ZSWIM5: variants seen among roughly 807,000 people sequenced by gnomAD.
ZSWIM5 encodes zinc finger SWIM domain-containing protein 5.
Under a neutral mutation model 119.6 loss-of-function variants are expected in ZSWIM5, and 55 were observed. The ratio of observed to expected loss-of-function variants is 0.46; its 90% CI spans 0.37 to 0.58. ZSWIM5 has a LOEUF of 0.58. ZSWIM5 is among the 20% of genes least tolerant of loss of function. The pLI, the probability that ZSWIM5 is intolerant of heterozygous loss-of-function variation, is 0.00. For missense variants in ZSWIM5, 1,193 were observed against 1,512.8 expected (o/e 0.79, Z 3.51); for synonymous variants, 537 against 606.9 (o/e 0.88, Z 1.69).
chr1:45,176,133 C>CATATATATATATAATATATATT (rs890556428), intron 1 of ZSWIM5, among the ~76,000 whole-genome samples: 1 of 148,050 alleles, frequency 6.8e-6, no homozygotes, highest in African/African-American at 2.5e-5. Context: ...AACTGAATGC[C>CATATATATATATAATATATATT]ATATATATAT....
intron 1 of ZSWIM5, among the ~76,000 whole-genome samples, chr1:45,194,466 G>A: frequency 6.6e-6 from 1 of 152,106 alleles, no homozygotes. Context: ...TCAGAAAAAA[G>A]GATTAATATT....
intron 1 of ZSWIM5, among the ~76,000 whole-genome samples, chr1:45,184,611 A>G (rs1646045776): frequency 6.6e-6 from 1 of 152,124 alleles, no homozygotes. Flanking sequence ...AATAACAGAC[A>G]AACAGAGAGC....
chr1:45,160,880 G>A (rs1262926406), intron 1 of ZSWIM5, among the ~76,000 whole-genome samples: 1 of 148,250 alleles, frequency 6.7e-6, no homozygotes. Context: ...GGAGTGCAGT[G>A]GCAAGATCTC....
Position 45,145,777 on chromosome 1 carries a change from A to G in ZSWIM5, c.596-57540T>C, listed in dbSNP as rs1645756245. Among the ~76,000 whole-genome samples the G allele has an allele frequency of 2.0e-5, 3 of 152,154 alleles. No homozygotes were observed. In the South Asian group the frequency reaches 6.2e-4, roughly 32 times the overall value. On this transcript the variant is annotated intron_variant, in intron 1 of 13. Coordinates refer to ENST00000359600, the MANE Select transcript of ZSWIM5 (RefSeq NM_020883.2). ...TTAAAATTCACAGAACTGTACATCA[A>G]AAGAAAAAAGTCACTTTTATTGTGT...
intron 10 of ZSWIM5, 49 bp from the exon 11 acceptor site, chr1:45,034,518 C>G (rs765006231): frequency 1.9e-6 from 3 of 1,545,750 alleles, no homozygotes; most frequent in African/African-American, 1.4e-5. Context: ...CCCTGGGCTT[C>G]CGAGCCACCT....
chr1:45,172,433 A>G (rs144759662), intron 1 of ZSWIM5, among the ~76,000 whole-genome samples: 4 of 152,314 alleles, frequency 2.6e-5, no homozygotes, highest in African/African-American at 9.6e-5. Flanking sequence ...TGAACTGAAA[A>G]GAACAAAATA....
chr1:45,121,599 C>CTTT (rs1181121841), intron 1 of ZSWIM5, among the ~76,000 whole-genome samples: 4 of 145,488 alleles, frequency 2.7e-5, no homozygotes, highest in African/African-American at 7.8e-5. Flanking sequence ...TTTTTTTCTT[C>CTTT]TTCTTTTTTT....
At chr1:45,085,197 AGCCACAGCCAGAGCT>A (rs1363422797) in intron 2 of ZSWIM5, among the ~76,000 whole-genome samples, 1 of 152,166 alleles carries the variant, frequency 6.6e-6, no homozygotes, top group Non-Finnish European at 1.5e-5. Flanking sequence ...GGGCCCTTTT[AGCCACAGCCAGAGCT>A]GGAGTGGCTG....
chr1:45,146,434 T>A (rs1645760785), intron 1 of ZSWIM5, among the ~76,000 whole-genome samples: 1 of 123,072 alleles, frequency 8.1e-6, no homozygotes, highest in Admixed American at 7.8e-5. Flanking sequence ...TTCTAGACTT[T>A]TTTTTTTTTT....
At chr1:45,195,050 A>G (rs780428243) in intron 1 of ZSWIM5, among the ~76,000 whole-genome samples, 8 of 152,130 alleles carry the variant, frequency 5.3e-5, no homozygotes, top group Non-Finnish European at 1.2e-4. Context: ...CTTCCCCCAT[A>G]GTAACTTCTT....
rs1436161149 is a variant in ZSWIM5 at position 45,206,025 on chromosome 1, A to C, written c.326T>G (p.Ile109Ser). 2 of 1,604,132 alleles carry C rather than the reference A, an allele frequency of 1.2e-6. No homozygotes were observed. The highest frequency in any genetic ancestry group is 1.7e-6 in the Non-Finnish European group (2 of 1,176,144). The change falls in exon 1 of 14, where the codon ATC becomes AGC. Residue 109 changes from isoleucine (I) to serine (S), a missense_variant. Around this residue, in one of 2 missense-constraint regions of ZSWIM5, gnomAD observed 232 missense variants for 222.9 expected, o/e 1.04. Coordinates refer to ENST00000359600, the MANE Select transcript of ZSWIM5 (RefSeq NM_020883.2). ...YWSFPRNEREICMYSSFQYRG... is the reference protein window; with the variant it reads ...YWSFPRNERESCMYSSFQYRG... ...GTACTGGAAGCTGGAGTACATGCAG[A>C]TCTCCCGCTCATTCCGCGGGAAGGA...
At chr1:45,191,294 G>GT (rs758119556) in intron 1 of ZSWIM5, among the ~76,000 whole-genome samples, 1 of 152,166 alleles carries the variant, frequency 6.6e-6, no homozygotes, top group East Asian at 1.9e-4. Flanking sequence ...CCTTAGAAAA[G>GT]TATGACCTCA....
intron 1 of ZSWIM5, among the ~76,000 whole-genome samples, chr1:45,092,477 A>G (rs575005606): frequency 1.2e-4 from 17 of 142,216 alleles, no homozygotes; most frequent in Admixed American, 2.9e-4. Context: ...TTGTATTTTT[A>G]GTAGAGACAG....
At position 45,035,790 on chromosome 1, in the gene ZSWIM5, T is replaced by C; in HGVS notation, c.2189A>G (p.His730Arg). The part of the protein sequence containing the change: ...GPFSGLGEVI[H>R]RESVPMHTFA... Reference sequence around the variant, plus strand: ...GGTATGCATGGGAACACTCTCTCGGTGGATGACTTCTCCCAGACCGCTGAA... The same window carrying C: ...GGTATGCATGGGAACACTCTCTCGGCGGATGACTTCTCCCAGACCGCTGAA... Residue 730 changes from histidine to arginine, a missense_variant, in exon 10 of 14, where the codon CAC (histidine) becomes CGC (arginine). Physicochemically the swap from His to Arg is conservative, Grantham distance 29 (BLOSUM62 0). Around this residue, in one of 2 missense-constraint regions of ZSWIM5, gnomAD observed 961 missense variants for 1,290.0 expected, o/e 0.74. Coordinates refer to ENST00000359600, the MANE Select transcript of ZSWIM5 (RefSeq NM_020883.2). 1 of 1,613,812 alleles carries C rather than the reference T, an allele frequency of 6.2e-7. No homozygotes were observed. The highest frequency in any genetic ancestry group is 1.1e-5 in the South Asian group (1 of 91,060).
At chr1:45,180,167 T>C (rs1646007250) in intron 1 of ZSWIM5, among the ~76,000 whole-genome samples, 1 of 152,096 alleles carries the variant, frequency 6.6e-6, no homozygotes, top group African/African-American at 2.4e-5. Context: ...ATCAGGGAGT[T>C]CCCTTTCCTG....
Position 45,082,189 on chromosome 1 carries a change from C to T in ZSWIM5, c.952+5692G>A, listed in dbSNP as rs551561496. On this transcript the variant is annotated intron_variant, in intron 2 of 13. Coordinates refer to ENST00000359600, the MANE Select transcript of ZSWIM5 (RefSeq NM_020883.2). ...CAAGTACCCAGGGACACAAACGCTG[C>T]GGAAGGCCGCAGGGTCCTCTGCCTA... is the stretch of plus-strand genomic sequence containing the variant. Among the ~76,000 whole-genome samples the T allele has an allele frequency of 2.6e-5, 4 of 151,764 alleles. No individual in the cohort carries two copies. The East Asian group carries it at 5.8e-4, about 22-fold the overall frequency.
In ZSWIM5 at chr1:45,043,392, G is replaced by T; in HGVS notation, c.1436C>A (p.Ser479Tyr). The T allele has an allele frequency of 6.2e-7, 1 of 1,614,046 alleles. No individual in the cohort carries two copies. The highest frequency in any genetic ancestry group is 2.2e-5 in the East Asian group (1 of 44,884). The change falls in exon 6 of 14, where the codon TCC becomes TAC. Residue 479 changes from serine to tyrosine, a missense_variant. Ser to Tyr is a moderately radical substitution (Grantham distance 144). Coordinates refer to ENST00000359600, the MANE Select transcript of ZSWIM5 (RefSeq NM_020883.2). ...TACTGTTCGTCTTGGTCTGGATAAG[G>T]AGTCTGGAGAAAGAAGAACATGCAG... is the stretch of plus-strand genomic sequence containing the variant. ...LPQSAIHSPD[S>Y]LSRPRRTVFT...
intron 4 of ZSWIM5, among the ~76,000 whole-genome samples, chr1:45,052,001 A>AT (rs5773861): frequency 0.76 from 109,140 of 143,228 alleles, 41,946 homozygotes; most frequent in Middle Eastern, 0.85. Flanking sequence ...CTTTCTTGGG[A>AT]TTTTTTTTTT....
intron 12 of ZSWIM5, 51 bp from the exon 13 acceptor site, chr1:45,020,198 T>A: frequency 6.8e-7 from 1 of 1,460,030 alleles, no homozygotes; most frequent in South Asian, 1.1e-5. Flanking sequence ...TGTTGTGACC[T>A]CTCCCTCCCC....
Sources: gnomAD v4.1 joint callset for allele counts (sites outside exome capture counted in the v4.1 genomes callset) on GRCh38, gnomAD v4.1.1 for gene constraint, gnomAD v4.1.1 regional missense constraint, MANE v1.5 for transcripts, NCBI Gene and HGNC (gene_info 2026-07-23, HGNC 2026-07-21) for gene names.